Variants in PDE4B observed in about 807,000 individuals in gnomAD.
The protein encoded by PDE4B is 3',5'-cyclic-AMP phosphodiesterase 4B.
Under a neutral mutation model 82.2 loss-of-function variants are expected in PDE4B, and 20 were observed. That is an observed-to-expected ratio of 0.24 (90% CI 0.17 to 0.35). The LOEUF (loss-of-function observed/expected upper bound fraction) is 0.35, where lower values mean the gene tolerates loss of function less well. PDE4B is among the 10% of genes least tolerant of loss of function. The pLI, the probability that PDE4B is intolerant of heterozygous loss-of-function variation, is 1.00. For synonymous variants in PDE4B, 320 were observed against 318.9 expected, an observed-to-expected ratio of 1.00 and a Z score of -0.04; for missense variants, 655 against 907.2, an observed-to-expected ratio of 0.72 and a Z score of 3.57.
At chr1:66,220,887 A>C (rs1157451270) in intron 3 of PDE4B, among the ~76,000 whole-genome samples, 1 of 152,206 alleles carries the variant, frequency 6.6e-6, no homozygotes, top group Non-Finnish European at 1.5e-5. Flanking sequence ...TTGTCCAATC[A>C]AGACTTGGCT....
At chr1:65,854,146 T>A (rs749838946) in intron 1 of PDE4B, among the ~76,000 whole-genome samples, 1 of 151,958 alleles carries the variant, frequency 6.6e-6, no homozygotes, top group Non-Finnish European at 1.5e-5. Flanking sequence ...CCTATACTTC[T>A]ACCTGTCCTC....
chr1:65,834,713 A>G (rs1646121976), intron 1 of PDE4B, among the ~76,000 whole-genome samples: 1 of 152,220 alleles, frequency 6.6e-6, no homozygotes, highest in South Asian at 2.1e-4. Flanking sequence ...TCATGTCTAA[A>G]TTGAGGCAGA....
intron 3 of PDE4B, among the ~76,000 whole-genome samples, chr1:66,038,029 T>C (rs901540057): frequency 6.7e-6 from 1 of 150,324 alleles, no homozygotes; most frequent in African/African-American, 2.5e-5. Context: ...AGAGTAAAAT[T>C]GGGGACAGTT....
At chr1:65,948,651 T>C (rs1461546813) in intron 3 of PDE4B, among the ~76,000 whole-genome samples, 1 of 152,032 alleles carries the variant, frequency 6.6e-6, no homozygotes, top group East Asian at 1.9e-4. Flanking sequence ...ACACCCAGGG[T>C]CAATACTTTG....
At chr1:66,366,067 G>T (rs752117715) in intron 13 of PDE4B, among the ~76,000 whole-genome samples, 1 of 152,102 alleles carries the variant, frequency 6.6e-6, no homozygotes, top group Non-Finnish European at 1.5e-5. Flanking sequence ...AACAATAAAA[G>T]GTTTGGGGAT....
At chr1:66,150,580 G>T (rs1046316040) in intron 3 of PDE4B, among the ~76,000 whole-genome samples, 1 of 152,168 alleles carries the variant, frequency 6.6e-6, no homozygotes, top group Non-Finnish European at 1.5e-5. Flanking sequence ...ATGTTGAAAA[G>T]ATGTGGCAAG....
chr1:65,898,948 A>C (rs1312162809), intron 1 of PDE4B, among the ~76,000 whole-genome samples: 2 of 152,146 alleles, frequency 1.3e-5, no homozygotes, highest in Non-Finnish European at 2.9e-5. Context: ...AATGCAATAA[A>C]AACAAAGATA....
At chr1:65,953,292 T>C (rs1649094830) in intron 3 of PDE4B, among the ~76,000 whole-genome samples, 1 of 152,104 alleles carries the variant, frequency 6.6e-6, no homozygotes, top group Non-Finnish European at 1.5e-5. Context: ...TGTTTTATAC[T>C]CTGGGTAGGC....
In PDE4B at chr1:66,266,105, GT is replaced by G; in HGVS notation, c.634+19del. ...CCCACAAGGTAGGCCATGTCATAAG[GT>G]CTATCTAGATGTTTCAAGATAGAAT... On this transcript the variant is annotated intron_variant, in intron 7 of 16. Coordinates refer to ENST00000341517, the MANE Select transcript of PDE4B (RefSeq NM_002600.4). The G allele has an allele frequency of 6.3e-7, 1 of 1,589,996 alleles. No individual in the cohort carries two copies. Among genetic ancestry groups the G allele is most frequent in the Non-Finnish European group, 8.6e-7 (1 of 1,158,054 alleles).
rs775729355 is a variant in PDE4B at position 65,899,467 on chromosome 1, C to T, written c.-70-13778C>T. 5.5e-4 allele frequency among the ~76,000 whole-genome samples: 84 copies of T among 151,850 alleles called. 1 individual carries two copies. The highest frequency in any genetic ancestry group is 9.7e-4 in the Non-Finnish European group (66 of 67,954). The stretch of plus-strand genomic sequence containing the variant: ...ACTATTTGCTCCAGCAATCCCACTA[C>T]TGGGTATCTATCCAGAGGAAAATAA... On this transcript the variant is annotated intron_variant, in intron 1 of 16. Coordinates refer to ENST00000341517, the MANE Select transcript of PDE4B (RefSeq NM_002600.4).
intron 3 of PDE4B, among the ~76,000 whole-genome samples, chr1:66,221,603 A>G (rs1216463199): frequency 6.6e-6 from 1 of 152,248 alleles, no homozygotes; most frequent in Non-Finnish European, 1.5e-5. Context: ...CCCAAATCAC[A>G]TAGTAATTCA....
At chr1:65,994,265 A>T (rs1026860640) in intron 3 of PDE4B, among the ~76,000 whole-genome samples, 3 of 152,190 alleles carry the variant, frequency 2.0e-5, no homozygotes, top group Non-Finnish European at 1.5e-5. Context: ...GGCAAATTAA[A>T]GTTACGCCTA....
At chr1:66,182,142 A>C (rs111354704) in intron 3 of PDE4B, among the ~76,000 whole-genome samples, 1,764 of 152,198 alleles carry the variant, frequency 0.012, 19 homozygotes, top group Non-Finnish European at 0.017. Flanking sequence ...AATGTTTTTG[A>C]AATAAATGTT....
intron 8 of PDE4B, among the ~76,000 whole-genome samples, chr1:66,345,258 A>G (rs1661308221): frequency 6.6e-6 from 1 of 151,128 alleles, no homozygotes; most frequent in Admixed American, 6.6e-5. Flanking sequence ...AGTTAAAAAT[A>G]AAAGTTAAAG....
At chr1:66,092,355 C>T (rs2100996136) in intron 3 of PDE4B, among the ~76,000 whole-genome samples, 1 of 152,036 alleles carries the variant, frequency 6.6e-6, no homozygotes, top group East Asian at 1.9e-4. Flanking sequence ...ATATACAGTA[C>T]CTTGTTTCCC....
At chr1:66,330,897 C>A in intron 7 of PDE4B, 2 of 590,500 alleles carry the variant, frequency 3.4e-6, no homozygotes, top group Non-Finnish European at 4.3e-6. Flanking sequence ...TTCTTGTCTG[C>A]ACATTTTTGA....
chr1:65,844,279 A>G (rs974858390), intron 1 of PDE4B, among the ~76,000 whole-genome samples: 25 of 152,202 alleles, frequency 1.6e-4, no homozygotes, highest in Non-Finnish European at 2.9e-5. Context: ...TGAGAAAGAA[A>G]GTATTTTCTA....
At chr1:66,211,260 A>G (rs1049224839) in intron 3 of PDE4B, among the ~76,000 whole-genome samples, 1 of 152,234 alleles carries the variant, frequency 6.6e-6, no homozygotes, top group African/African-American at 2.4e-5. Flanking sequence ...TATAAAAGAC[A>G]TGGCTTTCTC....
At chr1:65,880,702 C>G (rs774225882) in intron 1 of PDE4B, among the ~76,000 whole-genome samples, 1 of 152,156 alleles carries the variant, frequency 6.6e-6, no homozygotes, top group Admixed American at 6.5e-5. Context: ...GACGTGCCAG[C>G]CTTCAGAACA....
Sources: gnomAD v4.1 joint callset for allele counts (sites outside exome capture counted in the v4.1 genomes callset) on GRCh38, gnomAD v4.1.1 for gene constraint, MANE v1.5 for transcripts, NCBI Gene and HGNC (gene_info 2026-07-23, HGNC 2026-07-21) for gene names.